Variants in SOS1 observed in about 807,000 individuals in gnomAD.
SOS1 encodes SOS Ras/Rac guanine nucleotide exchange factor 1.
SOS1 carries 25 observed loss-of-function variants against 157.6 expected under a neutral mutation model. The ratio of observed to expected loss-of-function variants is 0.16; its 90% confidence interval spans 0.12 to 0.22. SOS1 has a LOEUF of 0.22. Ranked by LOEUF, SOS1 falls within the 10% of genes least tolerant of loss-of-function variation. The probability of loss-of-function intolerance (pLI) is 1.00; values close to 1 mark genes in which losing one functional copy is unlikely to be tolerated. For missense variants in SOS1, 1,237 were observed against 1,599.1 expected, an observed-to-expected ratio of 0.77 and a Z score of 3.86; for synonymous variants, 528 against 534.0, an observed-to-expected ratio of 0.99 and a Z score of 0.16.
At position 39,119,570 on chromosome 2, in the gene SOS1, G is replaced by A. The variant is rs576988055; in HGVS notation, c.87+766C>T. 2.0e-5 allele frequency among the ~76,000 whole-genome samples: 3 copies of A among 152,298 alleles called. No homozygotes were observed. The South Asian group carries it at 6.2e-4, about 32-fold the overall frequency. ...GAAGAAAAGAAAACAAAAATAGTCTGGTTGTCACACTGCTGCTTTAGAAGC... is the reference window on the plus strand; with the variant it reads ...GAAGAAAAGAAAACAAAAATAGTCTAGTTGTCACACTGCTGCTTTAGAAGC... On this transcript the variant is annotated intron_variant, in intron 1 of 22. Transcript: ENST00000402219.
At chr2:39,037,840 A>G (rs1670410963) in intron 6 of SOS1, among the ~76,000 whole-genome samples, 1 of 152,214 alleles carries the variant, frequency 6.6e-6, no homozygotes, top group Non-Finnish European at 1.5e-5. Context: ...ATGCAACAGC[A>G]AAGCCTGGAT....
At chr2:39,028,677 A>C (rs1670054579) in intron 8 of SOS1, among the ~76,000 whole-genome samples, 1 of 152,266 alleles carries the variant, frequency 6.6e-6, no homozygotes. Flanking sequence ...TCACTAAATA[A>C]AACCTATTCC....
chr2:39,088,298 T>C (rs905845334), intron 1 of SOS1, among the ~76,000 whole-genome samples: 17 of 149,924 alleles, frequency 1.1e-4, no homozygotes, highest in Admixed American at 7.4e-4. Flanking sequence ...ATGCCTGAGA[T>C]GGAGCGAAGG....
chr2:39,088,988 G>T (rs558654032), intron 1 of SOS1, among the ~76,000 whole-genome samples: 1 of 151,784 alleles, frequency 6.6e-6, no homozygotes, highest in African/African-American at 2.4e-5. Context: ...TTCATTTTTG[G>T]TTTTTTATTT....
intron 20 of SOS1, chr2:38,993,951 T>C (rs1668813186): frequency 6.6e-6 from 1 of 152,224 alleles, no homozygotes; most frequent in South Asian, 2.1e-4. Context: ...AGAAGAGCTT[T>C]AAAGTTTCAC....
At chr2:39,014,716 CTT>C in intron 11 of SOS1, 47 bp downstream of exon 11, 1 of 1,054,614 alleles carries the variant, frequency 9.5e-7, no homozygotes, top group Non-Finnish European at 1.4e-6. Context: ...AGCTCAATCT[CTT>C]TTTTAACAAA....
intron 8 of SOS1, among the ~76,000 whole-genome samples, chr2:39,032,150 A>G (rs191029453): frequency 1.1e-3 from 160 of 152,330 alleles, no homozygotes; most frequent in Middle Eastern, 3.4e-3. Context: ...TGAGAACACA[A>G]TATCTACTTT....
chr2:39,045,578 T>A (rs1670749878), intron 6 of SOS1, among the ~76,000 whole-genome samples: 2 of 152,202 alleles, frequency 1.3e-5, no homozygotes, highest in Admixed American at 1.3e-4. Flanking sequence ...ATCAGTTAAT[T>A]TGAATTAATA....
At chr2:38,987,959 T>G (rs1002167642) in intron 21 of SOS1, among the ~76,000 whole-genome samples, 204 of 152,318 alleles carry the variant, frequency 1.3e-3, no homozygotes, top group African/African-American at 4.8e-3. Context: ...TATAATGGGT[T>G]CATTTTTTTC....
chr2:39,103,391 A>C (rs1171576227), intron 1 of SOS1, among the ~76,000 whole-genome samples: 3 of 152,310 alleles, frequency 2.0e-5, no homozygotes, highest in African/African-American at 7.2e-5. Context: ...ACACTTTCTG[A>C]CTTCAGAACT....
chr2:39,089,725 C>T (rs746173313), intron 1 of SOS1, among the ~76,000 whole-genome samples: 2 of 152,086 alleles, frequency 1.3e-5, no homozygotes, highest in Non-Finnish European at 2.9e-5. Context: ...CTAACACTTC[C>T]CATGTTCATG....
intron 5 of SOS1, 88 bp from the exon 6 acceptor site, chr2:39,051,375 C>G: frequency 2.6e-6 from 3 of 1,142,110 alleles, no homozygotes; most frequent in Non-Finnish European, 3.9e-6. Flanking sequence ...TTTATAATCA[C>G]AAAATTTAAC....
intron 1 of SOS1, among the ~76,000 whole-genome samples, chr2:39,072,171 T>C (rs1363768363): frequency 6.6e-6 from 1 of 152,194 alleles, no homozygotes; most frequent in Non-Finnish European, 1.5e-5. Context: ...CTATACTATA[T>C]ATCACATTTC....
intron 20 of SOS1, among the ~76,000 whole-genome samples, chr2:38,994,170 A>G (rs1168515736): frequency 1.3e-5 from 2 of 152,296 alleles, no homozygotes; most frequent in East Asian, 3.9e-4. Context: ...TCAATCATAA[A>G]TTTTTATATT....
intron 1 of SOS1, among the ~76,000 whole-genome samples, chr2:39,085,057 A>AT (rs1273832724): frequency 1.3e-5 from 2 of 151,640 alleles, no homozygotes; most frequent in African/African-American, 4.8e-5. Flanking sequence ...GTATTTATTT[A>AT]TTTTTTTGAG....
chr2:39,069,434 T>C (rs1671720779), intron 1 of SOS1, among the ~76,000 whole-genome samples: 1 of 152,104 alleles, frequency 6.6e-6, no homozygotes, highest in African/African-American at 2.4e-5. Context: ...AGTACATATA[T>C]GTATATATAC....
intron 6 of SOS1, among the ~76,000 whole-genome samples, chr2:39,040,173 G>A (rs542960044): frequency 1.3e-4 from 20 of 151,602 alleles, no homozygotes; most frequent in Non-Finnish European, 2.4e-4. Flanking sequence ...CACTACACCC[G>A]GCTAATTTTT....
chr2:39,038,624 C>T (rs1309131187), intron 6 of SOS1, among the ~76,000 whole-genome samples: 1 of 150,910 alleles, frequency 6.6e-6, no homozygotes, highest in Non-Finnish European at 1.5e-5. Flanking sequence ...GTCCTAGCTA[C>T]TCGGGAGGCT....
At chr2:39,005,675 T>C (rs1220485412) in intron 17 of SOS1, among the ~76,000 whole-genome samples, 1 of 152,170 alleles carries the variant, frequency 6.6e-6, no homozygotes, top group East Asian at 1.9e-4. Context: ...ATAACATTGT[T>C]ATATGCAGTG....
Sources: allele counts gnomAD v4.1 joint callset (sites outside exome capture counted in the v4.1 genomes callset), GRCh38; gene constraint gnomAD v4.1.1; transcripts MANE v1.5; gene names NCBI Gene and HGNC (gene_info 2026-07-23, HGNC 2026-07-21).